Variants in ADGRB1 observed in about 807,000 individuals in gnomAD.
The protein encoded by ADGRB1 is brain-specific angiogenesis inhibitor 1.
A neutral mutation model predicts 175.7 loss-of-function variants in ADGRB1; 36 were observed. That is an observed-to-expected ratio of 0.20 (90% CI 0.16 to 0.27). The LOEUF is 0.27. Among genes scored for constraint, ADGRB1 ranks in the 10% least tolerant of loss-of-function variants. The pLI is 1.00. For synonymous variants in ADGRB1, 1,054 were observed against 979.4 expected (o/e 1.08, Z -1.42); for missense variants, 1,731 against 2,255.3 (o/e 0.77, Z 4.71).
In ADGRB1 at chr8:142,510,695, GC is replaced by G. The variant is rs1843047640; in HGVS notation, c.2676-236del. The stretch of plus-strand genomic sequence containing the variant: ...GCTCCCCCGCCCGGCGCTCCCTCGG[GC>G]TGCGCTCCGCGGCTCTCGGCGGCGG... On this transcript the variant is annotated intron_variant, in intron 17 of 30. Transcript: ENST00000517894. This position sits in a 1 kb window ranked among gnomAD's most constrained non-coding sequence, Gnocchi z 6.3. Among the ~76,000 whole-genome samples, 1 of 145,426 alleles carries G rather than the reference GC, an allele frequency of 6.9e-6. No homozygotes were observed. The highest frequency in any genetic ancestry group is 2.1e-4 in the South Asian group (1 of 4,786).
rs1011927468 is a variant in ADGRB1 at position 142,461,051 on chromosome 8, C to G, written c.-219-2929C>G. Among the ~76,000 whole-genome samples the G allele has an allele frequency of 2.6e-5, 4 of 152,188 alleles. No individual in the cohort carries two copies. In the East Asian group the frequency reaches 7.7e-4, roughly 29 times the overall value. ...GAGGGGCGACCGGTGATACCAGGGC[C>G]CTAGGGGATGCCAGGAGGTCTCCAC... On this transcript the variant is annotated intron_variant, in intron 1 of 30. Transcript: ENST00000517894.
intron 25 of ADGRB1, 78 bp from the exon 26 acceptor site, chr8:142,536,909 G>T: frequency 7.9e-7 from 1 of 1,268,622 alleles, no homozygotes; most frequent in South Asian, 1.5e-5. Context: ...CCCCCCCACA[G>T]GTGCTGCTCA....
Position 142,464,923 on chromosome 8 carries a change from G to C in ADGRB1, c.725G>C (p.Gly242Ala), listed in dbSNP as rs958042143. 7 of 1,529,672 alleles carry C rather than the reference G, an allele frequency of 4.6e-6. No homozygotes were observed. The African/African-American group carries it at 9.7e-5, about 21-fold the overall frequency. 94.8% of individuals were successfully genotyped at this position (1,529,672 alleles called of 1,614,324 possible). A position where few individuals can be genotyped will look rare whatever the true frequency, so the allele number is the denominator to read the frequency against. The change falls in exon 2 of 31, where the codon GGT becomes GCT. Residue 242 changes from glycine to alanine, a missense_variant. Gly to Ala is a moderately conservative substitution (Grantham distance 60). Around this residue, in one of 8 missense-constraint regions of ADGRB1, gnomAD observed 383 missense variants for 383.1 expected, o/e 1.00. Transcript: ENST00000517894. Reference protein sequence around the residue: ...GDVCLRDAVAGGPENCLTSLT... With the variant: ...GDVCLRDAVAAGPENCLTSLT... The stretch of plus-strand genomic sequence containing the variant: ...GTCTGCTTGAGAGATGCGGTGGCTG[G>C]TGGCCCTGAAAACTGCCTCACCAGC...
intron 25 of ADGRB1, among the ~76,000 whole-genome samples, chr8:142,534,303 A>C (rs553746202): frequency 6.6e-6 from 1 of 152,202 alleles, no homozygotes; most frequent in Non-Finnish European, 1.5e-5. Flanking sequence ...TTCCGGCCTT[A>C]GGTGGCGATT....
chr8:142,451,784 T>C (rs1251957296), intron 1 of ADGRB1, among the ~76,000 whole-genome samples: 3 of 151,716 alleles, frequency 2.0e-5, no homozygotes, highest in Non-Finnish European at 4.4e-5. Flanking sequence ...GTGTGTGGGG[T>C]CTGGGGAGGC....
rs763175576 is a variant in ADGRB1, at chr8:142,522,611, G to A, written c.3176-30G>A. 2.6e-6 allele frequency: 4 copies of A among 1,537,598 alleles called. No homozygotes were observed. The East Asian group carries it at 7.4e-5, about 28-fold the overall frequency. The stretch of plus-strand genomic sequence containing the variant: ...GAGGCTGGCTGGGGACTTGGGTGGG[G>A]CCAACACCCTCTCTCTGCTCCTTCT... On this transcript the variant is annotated intron_variant, in intron 21 of 30. Transcript: ENST00000517894.
intron 13 of ADGRB1, among the ~76,000 whole-genome samples, chr8:142,486,217 C>T (rs1347814382): frequency 6.6e-6 from 1 of 152,206 alleles, no homozygotes; most frequent in African/African-American, 2.4e-5. Context: ...ATCCCTCCCT[C>T]ACTCAGCTGC....
chr8:142,536,237 A>G (rs1404058438), intron 25 of ADGRB1, among the ~76,000 whole-genome samples: 1 of 126,266 alleles, frequency 7.9e-6, no homozygotes, highest in African/African-American at 3.1e-5. Flanking sequence ...GATTCCCTTT[A>G]TATACTGTTA....
rs953239382 is a variant in ADGRB1, at chr8:142,522,532, C to T, written c.3176-109C>T. ...GCTCAGCCCCATCCTCTGTTGGGGGCTTCAGAAGCGCCTGCCTGGCCCCCG... is the reference window on the plus strand; with the variant it reads ...GCTCAGCCCCATCCTCTGTTGGGGGTTTCAGAAGCGCCTGCCTGGCCCCCG... On this transcript the variant is annotated intron_variant, in intron 21 of 30. Transcript: ENST00000517894. The T allele has an allele frequency of 3.6e-6, 4 of 1,116,392 alleles. No homozygotes were observed. In the African/African-American group the frequency reaches 4.9e-5, roughly 14 times the overall value. The allele number at this position is 1,116,392 out of a possible 1,614,324, so 69.2% of individuals were successfully genotyped here.
chr8:142,497,356 G>T (rs1291049729), intron 17 of ADGRB1, among the ~76,000 whole-genome samples: 3 of 152,168 alleles, frequency 2.0e-5, no homozygotes, highest in Admixed American at 2.0e-4. Flanking sequence ...GGTTTCCTTG[G>T]AGAGGGCAGT....
chr8:142,532,622 C>G (rs1285825471), intron 24 of ADGRB1, among the ~76,000 whole-genome samples: 1 of 152,152 alleles, frequency 6.6e-6, no homozygotes, highest in Non-Finnish European at 1.5e-5. Context: ...TGCTCCTCCC[C>G]TGCTGGCCTT....
In ADGRB1 at chr8:142,491,334, G is replaced by T. The variant is rs575972552; in HGVS notation, c.2675+519G>T. ...TTGTTGGGTGCCGGCTGGCCCAGGC[G>T]CTGTGGCACAGCTGGAGCAAGTTCC... On this transcript the variant is annotated intron_variant, in intron 17 of 30. Coordinates refer to ENST00000517894, the MANE Select transcript of ADGRB1 (RefSeq NM_001702.3). Among the ~76,000 whole-genome samples the T allele has an allele frequency of 2.6e-5, 4 of 152,328 alleles. No homozygotes were observed. In the South Asian group the frequency reaches 6.2e-4, roughly 24 times the overall value.
intron 18 of ADGRB1, among the ~76,000 whole-genome samples, chr8:142,512,442 C>T (rs952711714): frequency 2.0e-5 from 3 of 152,324 alleles, no homozygotes; most frequent in Admixed American, 2.0e-4. Flanking sequence ...AGGCAGGGCC[C>T]AGCCTCCAGT....
chr8:142,514,058 G>A (rs527938398), intron 18 of ADGRB1, among the ~76,000 whole-genome samples: 1 of 151,988 alleles, frequency 6.6e-6, no homozygotes, highest in East Asian at 1.9e-4. Flanking sequence ...GGCCAGAAGT[G>A]AGCCTGGCTG....
chr8:142,464,543 G>A lies in ADGRB1; in HGVS notation c.345G>A (p.Leu115=), dbSNP rs756520742. ...DSFLESTRTY[L]GVESFDEVLR... is the part of the protein sequence containing the mutation. ...TCCTCGAGTCCACGCGCACCTACCT[G>A]GGCGTGGAGAGCTTCGACGAGGTGC... is the stretch of plus-strand genomic sequence containing the variant. Residue 115 remains leucine (L), a synonymous_variant, in exon 2 of 31, where the codon CTG becomes CTA. Transcript: ENST00000517894. 66 of 1,562,450 alleles carry A rather than the reference G, an allele frequency of 4.2e-5. No individual in the cohort carries two copies. The highest frequency in any genetic ancestry group is 4.1e-4 in the South Asian group (35 of 84,958).
chr8:142,470,052 C>T (rs1257738998), intron 2 of ADGRB1, among the ~76,000 whole-genome samples: 3 of 152,234 alleles, frequency 2.0e-5, no homozygotes, highest in African/African-American at 7.2e-5. Flanking sequence ...CATTTTCAGC[C>T]CTGCCCCCCG....
chr8:142,498,186 C>T (rs987162494), intron 17 of ADGRB1, among the ~76,000 whole-genome samples: 5 of 152,292 alleles, frequency 3.3e-5, no homozygotes, highest in South Asian at 2.1e-4. Flanking sequence ...TTCCTGGCAG[C>T]GGCTCCGATC....
intron 1 of ADGRB1, among the ~76,000 whole-genome samples, chr8:142,460,152 C>T (rs896022948): frequency 1.9e-4 from 29 of 152,266 alleles, no homozygotes; most frequent in Admixed American, 1.9e-3. Context: ...CCTGGGCCTG[C>T]CTTGGTGTGA....
At chr8:142,499,824 C>T (rs77844846) in intron 17 of ADGRB1, among the ~76,000 whole-genome samples, 2,929 of 152,314 alleles carry the variant, frequency 0.019, 106 homozygotes, top group African/African-American at 0.066. Context: ...GGTGCCTGCT[C>T]GGTGCCGGGC....
Sources: gnomAD v4.1 joint callset for allele counts (sites outside exome capture counted in the v4.1 genomes callset) on GRCh38, gnomAD v4.1.1 for gene constraint, gnomAD v4.1.1 regional missense constraint, Gnocchi (gnomAD v3.1) non-coding constraint, MANE v1.5 for transcripts, NCBI Gene and HGNC (gene_info 2026-07-23, HGNC 2026-07-21) for gene names.